Variants in GOLGA3 observed in about 807,000 individuals in gnomAD.
GOLGA3 encodes the protein golgin subfamily A member 3.
Under a neutral mutation model 169.4 loss-of-function variants are expected in GOLGA3, and 75 were observed. That is an observed-to-expected ratio of 0.44 (90% CI 0.37 to 0.54). GOLGA3 has a LOEUF of 0.54. Among genes scored for constraint, GOLGA3 ranks in the 20% least tolerant of loss-of-function variants. The probability of loss-of-function intolerance (pLI) is 0.00; values close to 1 mark genes in which losing one functional copy is unlikely to be tolerated. For synonymous variants in GOLGA3, 824 were observed against 822.4 expected, an observed-to-expected ratio of 1.00 and a Z score of -0.03; for missense variants, 1,899 against 1,930.0, an observed-to-expected ratio of 0.98 and a Z score of 0.30.
chr12:132,795,731 A>T, intron 11 of GOLGA3, 121 bp downstream of exon 11: 1 of 1,124,318 alleles, frequency 8.9e-7, no homozygotes, highest in Non-Finnish European at 1.3e-6. Context: ...ACTGCACTCC[A>T]GCCTGGGCAA....
Position 132,798,415 on chromosome 12 carries a change from G to A in GOLGA3, c.1863C>T (p.Ser621=), listed in dbSNP as rs1440903699. 1.9e-6 allele frequency: 3 copies of A among 1,613,406 alleles called. No homozygotes were observed. Among genetic ancestry groups the A allele is most frequent in the Admixed American group, 1.7e-5 (1 of 59,992 alleles). Residue 621 remains serine, a synonymous_variant, in exon 9 of 24, where the codon TCC becomes TCT. Coordinates refer to ENST00000450791, the MANE Select transcript of GOLGA3 (RefSeq NM_001389683.1). The stretch of plus-strand genomic sequence containing the variant: ...TGTGCTGAGTTTCCGTCAGCTGCTG[G>A]GACAGGGACACATTCTCGAGTTTCA... The part of the protein sequence containing the change: ...EHLKLENVSL[S]QQLTETQHRS...
Position 132,772,152 on chromosome 12 carries a change from C to T in GOLGA3, c.*953G>A, listed in dbSNP as rs1192631796. 6.6e-6 allele frequency: 1 copy of T among 152,204 alleles called. No individual in the cohort carries two copies. The highest frequency in any genetic ancestry group is 2.4e-5 in the African/African-American group (1 of 41,442). The allele number at this position is 152,204 out of a possible 1,614,324, so 9.4% of individuals were successfully genotyped here. On this transcript the variant is annotated 3_prime_UTR_variant, in exon 24 of 24. Coordinates refer to ENST00000450791, the MANE Select transcript of GOLGA3 (RefSeq NM_001389683.1). ...ATATTTCTTAGAATTTTCTGACTAT[C>T]CCTAAATCCTGCAGGTAAATTATTC...
chr12:132,819,947 A>T (rs1437695501), intron 2 of GOLGA3, among the ~76,000 whole-genome samples: 1 of 152,258 alleles, frequency 6.6e-6, no homozygotes, highest in Admixed American at 6.5e-5. Context: ...TGGGAGGCCA[A>T]GGTGGGGGGA....
intron 18 of GOLGA3, among the ~76,000 whole-genome samples, chr12:132,778,849 T>G (rs1593233670): frequency 1.4e-5 from 2 of 147,090 alleles, no homozygotes; most frequent in South Asian, 4.3e-4. Flanking sequence ...GAACCAAGAT[T>G]AAGCCACTGC....
chr12:132,822,572 C>G (rs1177279595), intron 1 of GOLGA3, among the ~76,000 whole-genome samples: 3 of 152,210 alleles, frequency 2.0e-5, no homozygotes, highest in African/African-American at 4.8e-5. Context: ...GACAGCGCAG[C>G]TCTGAATCTG....
rs368414498 is a variant in GOLGA3 at position 132,786,316 on chromosome 12, G to A, written c.3123+23C>T. On this transcript the variant is annotated intron_variant, in intron 15 of 23. Coordinates refer to ENST00000450791, the MANE Select transcript of GOLGA3 (RefSeq NM_001389683.1). The stretch of plus-strand genomic sequence containing the variant: ...CACTGAGGGGCTGGTGACCCTGGCC[G>A]GGGATGGCACGGTGTTACCTACATG... The A allele has an allele frequency of 1.1e-3, 1,738 of 1,514,072 alleles. 3 individuals are homozygous for A. The highest frequency in any genetic ancestry group is 2.5e-3 in the South Asian group (206 of 83,068). The allele number at this position is 1,514,072 out of a possible 1,614,324, so 93.8% of individuals were successfully genotyped here.
Position 132,780,917 on chromosome 12 carries a change from AG to A in GOLGA3, c.3466-4del, listed in dbSNP as rs749633622. 3 of 1,602,284 alleles carry A rather than the reference AG, an allele frequency of 1.9e-6. No individual in the cohort carries two copies. The highest frequency in any genetic ancestry group is 3.3e-5 in the Admixed American group (2 of 59,996). ...TTGCGCTGCAAAACTGCCTGCACCT[AG>A]ATCAGATTGCAGGAGGACAGATAAG... On this transcript the variant is annotated splice_polypyrimidine_tract_variant and splice_region_variant and intron_variant, in intron 17 of 23. Transcript: ENST00000450791.
intron 22 of GOLGA3, 185 bp from the exon 23 acceptor site, chr12:132,774,505 G>A (rs1342871471): frequency 1.3e-5 from 8 of 631,060 alleles, no homozygotes; most frequent in Non-Finnish European, 1.9e-5. Flanking sequence ...GCTGGCTGAG[G>A]AAACACCTTT....
At chr12:132,803,016 T>C (rs1004257181) in intron 7 of GOLGA3, among the ~76,000 whole-genome samples, 1 of 151,688 alleles carries the variant, frequency 6.6e-6, no homozygotes, top group Non-Finnish European at 1.5e-5. Flanking sequence ...GATGGCGCCA[T>C]TGCACTCCAG....
At position 132,809,527 on chromosome 12, in the gene GOLGA3, C is replaced by G. The variant is rs369504126; in HGVS notation, c.520-978G>C. On this transcript the variant is annotated intron_variant, in intron 4 of 23. Coordinates refer to ENST00000450791, the MANE Select transcript of GOLGA3 (RefSeq NM_001389683.1). ...CGCTGGACCACGATCCGCCTGGTAA[C>G]GGGCGTCTTCCCGTCTTCCCAGACA... Among the ~76,000 whole-genome samples, 4 of 148,298 alleles carry G rather than the reference C, an allele frequency of 2.7e-5. No individual in the cohort carries two copies. The Admixed American group carries it at 2.8e-4, about 10-fold the overall frequency.
intron 7 of GOLGA3, among the ~76,000 whole-genome samples, chr12:132,803,319 T>C (rs1415024612): frequency 6.6e-6 from 1 of 152,164 alleles, no homozygotes; most frequent in Non-Finnish European, 1.5e-5. Context: ...ACAAATTTAA[T>C]CAAGTCGGCA....
chr12:132,824,614 G>A (rs890689328), intron 1 of GOLGA3, among the ~76,000 whole-genome samples: 2 of 152,194 alleles, frequency 1.3e-5, no homozygotes, highest in African/African-American at 4.8e-5. Flanking sequence ...CTGAAGCACA[G>A]AAGTGAAGGA....
At chr12:132,813,271 G>A (rs1163280104) in intron 4 of GOLGA3, 36 bp downstream of exon 4, 5 of 1,407,272 alleles carry the variant, frequency 3.6e-6, no homozygotes, top group Non-Finnish European at 5.0e-6. Context: ...GGCACAGGAA[G>A]CTTTCCATGA....
chr12:132,827,035 C>T (rs566801969), intron 1 of GOLGA3, among the ~76,000 whole-genome samples: 12 of 152,298 alleles, frequency 7.9e-5, no homozygotes, highest in African/African-American at 2.2e-4. Context: ...CCTAGGTTCA[C>T]AGCTGGGTAA....
chr12:132,826,790 A>G (rs1374488568), intron 1 of GOLGA3, among the ~76,000 whole-genome samples: 1 of 152,018 alleles, frequency 6.6e-6, no homozygotes, highest in African/African-American at 2.4e-5. Flanking sequence ...ATTTGGAATG[A>G]CTCAGTCGTC....
In GOLGA3 at chr12:132,777,259, C is replaced by T. The variant is rs2045298329; in HGVS notation, c.3723-169G>A. 6.6e-6 allele frequency among the ~76,000 whole-genome samples: 1 copy of T among 152,178 alleles called. No homozygotes were observed. Among genetic ancestry groups the T allele is most frequent in the Admixed American group, 6.5e-5 (1 of 15,280 alleles). On this transcript the variant is annotated intron_variant, in intron 19 of 23. Coordinates refer to ENST00000450791, the MANE Select transcript of GOLGA3 (RefSeq NM_001389683.1). This position sits in a 1 kb window ranked among gnomAD's most constrained non-coding sequence, Gnocchi z 4.7. ...CCACAGTGTGCACTCGGGCAGTCCT[C>T]ACGAAGCACCTGAGACTCACACTTC... is the stretch of plus-strand genomic sequence containing the variant.
chr12:132,820,442 G>C (rs942357845), intron 2 of GOLGA3, among the ~76,000 whole-genome samples: 2 of 152,212 alleles, frequency 1.3e-5, no homozygotes, highest in African/African-American at 4.8e-5. Context: ...AGATCTAAGA[G>C]CAGGTTCCAC....
chr12:132,802,071 A>G, intron 7 of GOLGA3, 102 bp from the exon 8 acceptor site: 1 of 857,328 alleles, frequency 1.2e-6, no homozygotes, highest in Non-Finnish European at 1.8e-6. Flanking sequence ...AGGGGAGACC[A>G]AGAATGAGTC....
At chr12:132,785,688 T>C (rs867263092) in intron 15 of GOLGA3, among the ~76,000 whole-genome samples, 2 of 152,154 alleles carry the variant, frequency 1.3e-5, no homozygotes, top group African/African-American at 4.8e-5. Context: ...GGACAGGAGA[T>C]AGAAACAAAC....
Sources: allele counts gnomAD v4.1 joint callset (sites outside exome capture counted in the v4.1 genomes callset), GRCh38; gene constraint gnomAD v4.1.1; non-coding constraint Gnocchi (gnomAD v3.1); transcripts MANE v1.5; gene names NCBI Gene and HGNC (gene_info 2026-07-23, HGNC 2026-07-21).